EPHB2: variants seen among roughly 807,000 people sequenced by gnomAD.
The protein encoded by EPHB2 is EPH receptor B2.
A neutral mutation model predicts 96.4 loss-of-function variants in EPHB2; 18 were observed. The observed-to-expected ratio is 0.19, with a 90% confidence interval of 0.13 to 0.28. The LOEUF (loss-of-function observed/expected upper bound fraction) is 0.28. Among genes scored for constraint, EPHB2 ranks in the 10% least tolerant of loss-of-function variants. The pLI is 1.00. For synonymous variants in EPHB2, 506 were observed against 534.1 expected (o/e 0.95, Z 0.72); for missense variants, 989 against 1,355.4 (o/e 0.73, Z 4.25).
At chr1:22,863,976 A>G (rs1638369968) in intron 4 of EPHB2, among the ~76,000 whole-genome samples, 1 of 150,892 alleles carries the variant, frequency 6.6e-6, no homozygotes, top group Non-Finnish European at 1.5e-5. Context: ...ATCTTCCCGC[A>G]TCCTCCCAAA....
At chr1:22,774,726 G>T (rs573566217) in intron 1 of EPHB2, 4 of 561,496 alleles carry the variant, frequency 7.1e-6, no homozygotes, top group East Asian at 2.9e-4. Flanking sequence ...GCTCTGAAGG[G>T]CGATCACACA....
At chr1:22,772,406 G>A (rs115387963) in intron 1 of EPHB2, among the ~76,000 whole-genome samples, 2,295 of 152,322 alleles carry the variant, frequency 0.015, 63 homozygotes, top group African/African-American at 0.052. Context: ...GAGAAGGGGT[G>A]TGTGCTATGA....
intron 1 of EPHB2, among the ~76,000 whole-genome samples, chr1:22,725,173 G>A (rs545194211): frequency 6.6e-6 from 1 of 152,176 alleles, no homozygotes; most frequent in Non-Finnish European, 1.5e-5. Flanking sequence ...GTAGTGTACA[G>A]TTAGACGGTT....
At chr1:22,856,161 G>A (rs1433200515) in intron 3 of EPHB2, among the ~76,000 whole-genome samples, 1 of 152,142 alleles carries the variant, frequency 6.6e-6, no homozygotes, top group Non-Finnish European at 1.5e-5. Context: ...GAGGAGAGGG[G>A]GGAGCAGAGG....
intron 3 of EPHB2, among the ~76,000 whole-genome samples, chr1:22,818,641 C>T (rs1348903993): frequency 6.6e-6 from 1 of 152,198 alleles, no homozygotes; most frequent in Non-Finnish European, 1.5e-5. Flanking sequence ...TGCTGTGCAA[C>T]TGGGATGTGC....
At position 22,915,896 on chromosome 1, in the gene EPHB2, G is replaced by C. The variant is rs940005527; in HGVS notation, c.*2326G>C. On this transcript the variant is annotated 3_prime_UTR_variant, in exon 16 of 16. Transcript: ENST00000374630. ...AGGAGATGGCCAGTGAGAAAGATTC[G>C]GGCCACAGGCAGCCAGCTAGAAGCG... is the stretch of plus-strand genomic sequence containing the variant. 6.6e-6 allele frequency: 1 copy of C among 152,398 alleles called. No homozygotes were observed. Among genetic ancestry groups the C allele is most frequent in the Non-Finnish European group, 1.5e-5 (1 of 68,196 alleles). 9.4% of individuals were successfully genotyped at this position (152,398 alleles called of 1,614,324 possible). A position where few individuals can be genotyped will look rare whatever the true frequency, so the allele number is the denominator to read the frequency against.
intron 6 of EPHB2, among the ~76,000 whole-genome samples, chr1:22,891,471 A>G (rs1639384834): frequency 6.6e-6 from 1 of 152,240 alleles, no homozygotes; most frequent in South Asian, 2.1e-4. Flanking sequence ...TGAGCTCTCC[A>G]AGGCCAGGGC....
At chr1:22,810,508 C>T (rs1262740674) in intron 3 of EPHB2, among the ~76,000 whole-genome samples, 1 of 152,208 alleles carries the variant, frequency 6.6e-6, no homozygotes. Flanking sequence ...GGCCTGGGTT[C>T]CCCAAAAGTC....
chr1:22,898,052 G>A (rs1206023603), intron 9 of EPHB2, among the ~76,000 whole-genome samples: 4 of 148,828 alleles, frequency 2.7e-5, no homozygotes, highest in South Asian at 4.2e-4. Flanking sequence ...GCAGTGAGCC[G>A]AGGTTGCAGT....
At position 22,733,292 on chromosome 1, in the gene EPHB2, G is replaced by A. The variant is rs1390955246; in HGVS notation, c.61+22249G>A. Among the ~76,000 whole-genome samples the A allele has an allele frequency of 2.6e-5, 4 of 152,010 alleles. No individual in the cohort carries two copies. The highest frequency in any genetic ancestry group is 2.0e-4 in the Admixed American group (3 of 15,252). ...TCAAACTTCTGACCTCAGGTGATTT[G>A]CCCACCTCAGCCTTCCAAAGTGCTG... On this transcript the variant is annotated intron_variant, in intron 1 of 15. Coordinates refer to ENST00000374630, the MANE Select transcript of EPHB2 (RefSeq NM_017449.5). The surrounding 1 kb of genome is among the most constrained non-coding windows in gnomAD (Gnocchi z 4.6).
At chr1:22,822,124 AGAGT>A (rs1365953984) in intron 3 of EPHB2, among the ~76,000 whole-genome samples, 7 of 152,338 alleles carry the variant, frequency 4.6e-5, no homozygotes, top group Admixed American at 3.9e-4. Context: ...GTTAAAAAAT[AGAGT>A]AAGTCCAGCT....
intron 1 of EPHB2, among the ~76,000 whole-genome samples, chr1:22,762,268 A>G (rs755653108): frequency 6.6e-6 from 1 of 152,178 alleles, no homozygotes; most frequent in Admixed American, 6.5e-5. Context: ...CACCAGAGAC[A>G]GGAGAAAATG....
chr1:22,745,358 C>T (rs1269362934), intron 1 of EPHB2, among the ~76,000 whole-genome samples: 3 of 152,280 alleles, frequency 2.0e-5, no homozygotes, highest in South Asian at 4.1e-4. Flanking sequence ...AATACATACC[C>T]GACTGGTTTC....
At chr1:22,829,774 A>C (rs1261727475) in intron 3 of EPHB2, among the ~76,000 whole-genome samples, 1 of 152,146 alleles carries the variant, frequency 6.6e-6, no homozygotes, top group Non-Finnish European at 1.5e-5. Flanking sequence ...GCTGGGTCTC[A>C]GACTAGGCAG....
chr1:22,736,317 T>C (rs1643826370), intron 1 of EPHB2, among the ~76,000 whole-genome samples: 1 of 152,136 alleles, frequency 6.6e-6, no homozygotes. Flanking sequence ...AGGCGGCCCC[T>C]CTTGCCTGGT....
chr1:22,712,698 AGGGTGCCACGGGCCCTG>A (rs1381003241), intron 1 of EPHB2, among the ~76,000 whole-genome samples: 1 of 152,142 alleles, frequency 6.6e-6, no homozygotes, highest in Non-Finnish European at 1.5e-5. Context: ...TGGGGCACCT[AGGGTGCCACGGGCCCTG>A]GGTGTGGAGG....
Position 22,869,584 on chromosome 1 carries a change from T to A in EPHB2, c.1303+4372T>A, listed in dbSNP as rs1638591893. Among the ~76,000 whole-genome samples the A allele has an allele frequency of 8.5e-5, 13 of 152,164 alleles. No homozygotes were observed. The South Asian group carries it at 2.5e-3, about 29-fold the overall frequency. The stretch of plus-strand genomic sequence containing the variant: ...CTTCTAGCAAGCAGAGATGGAATCA[T>A]ACAGGAAGGAAGATGGCCTGGGGGA... On this transcript the variant is annotated intron_variant, in intron 5 of 15. Coordinates refer to ENST00000374630, the MANE Select transcript of EPHB2 (RefSeq NM_017449.5).
chr1:22,913,898 T>C lies in EPHB2; in HGVS notation c.*328T>C. On this transcript the variant is annotated 3_prime_UTR_variant, in exon 16 of 16. Transcript: ENST00000374630. This position sits in a 1 kb window ranked among gnomAD's most constrained non-coding sequence, Gnocchi z 4.1. Reference sequence around the variant, plus strand: ...AAGGGCTTGGGAGATTCATGCGATGTGTCCAATCGGAGACAAAAGCAGTTT... The same window carrying C: ...AAGGGCTTGGGAGATTCATGCGATGCGTCCAATCGGAGACAAAAGCAGTTT... The C allele has an allele frequency of 6.4e-7, 1 of 1,557,706 alleles. No individual in the cohort carries two copies. Among genetic ancestry groups the C allele is most frequent in the South Asian group, 1.2e-5 (1 of 81,016 alleles).
At chr1:22,852,584 CT>C (rs1645638415) in intron 3 of EPHB2, among the ~76,000 whole-genome samples, 1 of 152,144 alleles carries the variant, frequency 6.6e-6, no homozygotes, top group African/African-American at 2.4e-5. Flanking sequence ...AGACCTGGGG[CT>C]GGGGGCAATG....
Sources: gnomAD v4.1 joint callset for allele counts (sites outside exome capture counted in the v4.1 genomes callset) on GRCh38, gnomAD v4.1.1 for gene constraint, Gnocchi (gnomAD v3.1) non-coding constraint, MANE v1.5 for transcripts, NCBI Gene and HGNC (gene_info 2026-07-23, HGNC 2026-07-21) for gene names.